Variants in ZNF787 observed in about 807,000 individuals in gnomAD.
ZNF787 encodes TTF-I-interacting peptide 20.
ZNF787 carries 7 observed loss-of-function variants against 16.9 expected under a neutral mutation model. The ratio of observed to expected loss-of-function variants is 0.42; its 90% CI spans 0.24 to 0.78. ZNF787 has a LOEUF of 0.78. Ranked by LOEUF, ZNF787 falls within the 30% of genes least tolerant of loss-of-function variation. ZNF787 has a pLI of 0.30. For missense variants in ZNF787, 551 were observed against 589.3 expected (o/e 0.94, Z 0.67); for synonymous variants, 345 against 270.9 (o/e 1.27, Z -2.69).
intron 2 of ZNF787, among the ~76,000 whole-genome samples, chr19:56,099,638 G>A (rs1455911672): frequency 6.6e-6 from 1 of 151,060 alleles, no homozygotes; most frequent in African/African-American, 2.4e-5. Flanking sequence ...TTGAACCTGG[G>A]AGGTGGAAGT....
At chr19:56,111,745 A>G (rs2029986473) in intron 1 of ZNF787, among the ~76,000 whole-genome samples, 1 of 152,062 alleles carries the variant, frequency 6.6e-6, no homozygotes, top group South Asian at 2.1e-4. Context: ...GACACCTACC[A>G]GGGAGATGTG....
intron 1 of ZNF787, among the ~76,000 whole-genome samples, chr19:56,113,470 A>T (rs2030041344): frequency 6.6e-6 from 1 of 152,188 alleles, no homozygotes; most frequent in South Asian, 2.1e-4. Flanking sequence ...AGACAACCCA[A>T]ATGTCCATAT....
rs767163771 is a variant in ZNF787, at chr19:56,089,020, G to A, written c.152C>T (p.Ala51Val). 4.1e-5 allele frequency: 61 copies of A among 1,482,694 alleles called. No homozygotes were observed. The highest frequency in any genetic ancestry group is 1.7e-4 in the East Asian group (7 of 41,022). 91.8% of individuals were successfully genotyped at this position (1,482,694 alleles called of 1,614,324 possible). Residue 51 changes from alanine to valine, a missense_variant, in exon 3 of 3, where the codon GCG becomes GTG. Physicochemically the swap from Ala to Val is moderately conservative, Grantham distance 64. Coordinates refer to ENST00000610935, the MANE Select transcript of ZNF787 (RefSeq NM_001002836.4). ...PPTKLSPPQS[A>V]PPAGPPPRPR... Reference sequence around the variant, plus strand: ...CCGGGGAGGCGGGCCGGCTGGGGGCGCAGACTGGGGCGGGGACAGCTTGGT... The same window carrying A: ...CCGGGGAGGCGGGCCGGCTGGGGGCACAGACTGGGGCGGGGACAGCTTGGT...
In ZNF787 at chr19:56,087,808, G is replaced by A. The variant is rs924165925; in HGVS notation, c.*215C>T. ...TAACTTAGGAAGGGCGGGCCAGGCTGAGGGGGCAGAGTCTCGAGGCGGAGA... is the reference window on the plus strand; with the variant it reads ...TAACTTAGGAAGGGCGGGCCAGGCTAAGGGGGCAGAGTCTCGAGGCGGAGA... On this transcript the variant is annotated 3_prime_UTR_variant, in exon 3 of 3. Transcript: ENST00000610935. 674 of 729,766 alleles carry A rather than the reference G, an allele frequency of 9.2e-4. 1 individual carries two copies. The highest frequency in any genetic ancestry group is 9.8e-4 in the East Asian group (24 of 24,532). The allele number at this position is 729,766 out of a possible 1,614,324, so 45.2% of individuals were successfully genotyped here.
In ZNF787 at chr19:56,087,924, C is replaced by T. The variant is rs1161376029; in HGVS notation, c.*99G>A. ...GAGCCGGGGATGCCGCGGGGTCCAT[C>T]GCACCCCGTCCGCTTCTCCCTGGGT... is the stretch of plus-strand genomic sequence containing the variant. On this transcript the variant is annotated 3_prime_UTR_variant, in exon 3 of 3. Coordinates refer to ENST00000610935, the MANE Select transcript of ZNF787 (RefSeq NM_001002836.4). 2.3e-6 allele frequency: 3 copies of T among 1,285,318 alleles called. No homozygotes were observed. The highest frequency in any genetic ancestry group is 4.4e-5 in the Admixed American group (1 of 22,880). 79.6% of individuals were successfully genotyped at this position (1,285,318 alleles called of 1,614,324 possible). A position where few individuals can be genotyped will look rare whatever the true frequency, so the allele number is the denominator to read the frequency against.
At chr19:56,110,414 G>C (rs1197327466) in intron 1 of ZNF787, among the ~76,000 whole-genome samples, 1 of 151,720 alleles carries the variant, frequency 6.6e-6, no homozygotes, top group Non-Finnish European at 1.5e-5. Context: ...TACATTAATT[G>C]CACCTCTATT....
At chr19:56,111,276 G>A (rs904293416) in intron 1 of ZNF787, among the ~76,000 whole-genome samples, 3 of 151,998 alleles carry the variant, frequency 2.0e-5, no homozygotes, top group African/African-American at 7.2e-5. Flanking sequence ...GGCAGGCAGG[G>A]ACCTGGGGCA....
At chr19:56,119,467 T>C (rs2030226236) in intron 1 of ZNF787, among the ~76,000 whole-genome samples, 1 of 152,226 alleles carries the variant, frequency 6.6e-6, no homozygotes, top group Non-Finnish European at 1.5e-5. Context: ...TACACCCATC[T>C]GTTGAGGTCT....
intron 1 of ZNF787, among the ~76,000 whole-genome samples, chr19:56,120,938 G>T (rs1200851735): frequency 8.2e-6 from 1 of 122,334 alleles, no homozygotes; most frequent in African/African-American, 3.0e-5. Flanking sequence ...CGCCGCCCGC[G>T]GGCCGCCCGG....
At chr19:56,114,921 C>T (rs1164508698) in intron 1 of ZNF787, among the ~76,000 whole-genome samples, 1 of 152,176 alleles carries the variant, frequency 6.6e-6, no homozygotes, top group Admixed American at 6.5e-5. Flanking sequence ...CCCTCCACTC[C>T]CCCACCAGCT....
intron 1 of ZNF787, among the ~76,000 whole-genome samples, chr19:56,112,039 C>T (rs941036709): frequency 1.3e-5 from 2 of 152,162 alleles, no homozygotes; most frequent in Non-Finnish European, 2.9e-5. Flanking sequence ...CTGCTGAAGC[C>T]TGTGTCCTAA....
At chr19:56,089,202 G>A in intron 2 of ZNF787, 110 bp from the exon 3 acceptor site, 1 of 693,352 alleles carries the variant, frequency 1.4e-6, no homozygotes, top group Non-Finnish European at 2.2e-6. Context: ...CGCAGGACCT[G>A]CCCTGGTGTC....
chr19:56,120,864 G>A (rs2030273529), intron 1 of ZNF787, among the ~76,000 whole-genome samples: 1 of 18,128 alleles, frequency 5.5e-5, no homozygotes, highest in Non-Finnish European at 1.1e-4. Context: ...TCCTGCCCCC[G>A]CCACGCGCAC....
intron 2 of ZNF787, among the ~76,000 whole-genome samples, chr19:56,091,306 G>A (rs1423301097): frequency 6.6e-6 from 1 of 152,218 alleles, no homozygotes; most frequent in East Asian, 1.9e-4. Flanking sequence ...TGTGAAGAAA[G>A]AAAGTGTAGC....
intron 2 of ZNF787, among the ~76,000 whole-genome samples, chr19:56,091,866 C>T (rs1048628314): frequency 3.8e-4 from 58 of 152,136 alleles, no homozygotes; most frequent in Non-Finnish European, 7.2e-4. Context: ...GCGTCTGCAC[C>T]GCGCATGGGC....
chr19:56,101,920 CCACT>C (rs1986113207), intron 2 of ZNF787: 1 of 152,212 alleles, frequency 6.6e-6, no homozygotes, highest in African/African-American at 2.4e-5. Context: ...TGGCAACCAC[CCACT>C]GAGACGCGGG....
At chr19:56,116,890 G>C (rs866254807) in intron 1 of ZNF787, among the ~76,000 whole-genome samples, 4 of 152,164 alleles carry the variant, frequency 2.6e-5, no homozygotes, top group African/African-American at 7.2e-5. Context: ...AGCGACAAAA[G>C]ATCACACTCA....
chr19:56,093,063 C>T (rs2123394195), intron 2 of ZNF787, among the ~76,000 whole-genome samples: 1 of 150,740 alleles, frequency 6.6e-6, no homozygotes, highest in Middle Eastern at 3.4e-3. Context: ...GTGGGCTACC[C>T]CATAGACACG....
chr19:56,111,514 A>T (rs1052871886), intron 1 of ZNF787, among the ~76,000 whole-genome samples: 5 of 152,104 alleles, frequency 3.3e-5, no homozygotes, highest in Non-Finnish European at 7.4e-5. Context: ...CCTCCAGGAA[A>T]GGAAGATGCT....
Sources: allele counts gnomAD v4.1 joint callset (sites outside exome capture counted in the v4.1 genomes callset), GRCh38; gene constraint gnomAD v4.1.1; transcripts MANE v1.5; gene names NCBI Gene and HGNC (gene_info 2026-07-23, HGNC 2026-07-21).